TRDN: variants seen among roughly 807,000 people sequenced by gnomAD.
TRDN encodes the protein triadin in skeletal muscle.
Under a neutral mutation model 149.7 loss-of-function variants are expected in TRDN, and 161 were observed. That is an observed-to-expected ratio of 1.08 (90% CI 0.95 to 1.23). The LOEUF is 1.23. Ranked by LOEUF, TRDN falls within the 50% of genes most tolerant of loss-of-function variation. The probability of loss-of-function intolerance (pLI) is 0.00; values close to 1 mark genes in which losing one functional copy is unlikely to be tolerated. For missense variants in TRDN, 896 were observed against 823.5 expected (o/e 1.09, Z -1.08); for synonymous variants, 294 against 250.5 (o/e 1.17, Z -1.64).
intron 9 of TRDN, among the ~76,000 whole-genome samples, chr6:123,477,421 G>A (rs1235726970): frequency 1.3e-5 from 2 of 148,980 alleles, no homozygotes; most frequent in Non-Finnish European, 3.0e-5. Flanking sequence ...CAGGTGCTGG[G>A]GAGGATGTGG....
intron 10 of TRDN, among the ~76,000 whole-genome samples, chr6:123,458,275 A>T (rs1325184834): frequency 1.3e-5 from 2 of 152,216 alleles, no homozygotes; most frequent in Non-Finnish European, 2.9e-5. Flanking sequence ...TTATGCATCA[A>T]TTCGGGTAGG....
At chr6:123,250,325 T>C (rs1005860424) in intron 38 of TRDN, among the ~76,000 whole-genome samples, 4 of 151,898 alleles carry the variant, frequency 2.6e-5, no homozygotes, top group African/African-American at 9.7e-5. Flanking sequence ...AGCTATTTCA[T>C]GAAGCTCCTT....
intron 10 of TRDN, chr6:123,464,112 G>A: frequency 3.0e-6 from 1 of 336,462 alleles, no homozygotes; most frequent in Non-Finnish European, 4.2e-6. Context: ...TTTTATATAG[G>A]CAAATTGAGT....
chr6:123,618,528 C>T (rs1785220540), intron 1 of TRDN, among the ~76,000 whole-genome samples: 6 of 152,066 alleles, frequency 3.9e-5, no homozygotes, highest in Admixed American at 3.9e-4. Flanking sequence ...TTCTCTTTTC[C>T]AGGTAAGGTA....
chr6:123,546,765 C>T (rs1781132587), intron 4 of TRDN, among the ~76,000 whole-genome samples: 1 of 151,978 alleles, frequency 6.6e-6, no homozygotes, highest in South Asian at 2.1e-4. Context: ...CACTCAGTCA[C>T]CTTATCTATT....
At chr6:123,611,518 A>G (rs1189882682) in intron 1 of TRDN, among the ~76,000 whole-genome samples, 1 of 152,170 alleles carries the variant, frequency 6.6e-6, no homozygotes, top group African/African-American at 2.4e-5. Flanking sequence ...ATAATGTTTG[A>G]TCAACATAAG....
At chr6:123,515,089 A>C (rs1329197751) in intron 6 of TRDN, among the ~76,000 whole-genome samples, 1 of 152,088 alleles carries the variant, frequency 6.6e-6, no homozygotes, top group Non-Finnish European at 1.5e-5. Context: ...GTAAAATTTA[A>C]AAAAAAGAAA....
At chr6:123,612,652 G>A (rs1452242687) in intron 1 of TRDN, among the ~76,000 whole-genome samples, 1 of 152,028 alleles carries the variant, frequency 6.6e-6, no homozygotes, top group Non-Finnish European at 1.5e-5. Context: ...ATCCTTCCAC[G>A]TCAGGCTCCC....
chr6:123,453,405 A>G (rs943777473), intron 10 of TRDN, among the ~76,000 whole-genome samples: 1 of 152,066 alleles, frequency 6.6e-6, no homozygotes, highest in Non-Finnish European at 1.5e-5. Flanking sequence ...CAAACAAGAC[A>G]GTAAGAAAAA....
intron 1 of TRDN, among the ~76,000 whole-genome samples, chr6:123,629,832 A>C (rs986206408): frequency 2.0e-5 from 3 of 152,016 alleles, no homozygotes; most frequent in African/African-American, 7.2e-5. Context: ...GCAGAGCAAG[A>C]CTTTATTCAT....
At chr6:123,291,380 C>T (rs751861250) in intron 24 of TRDN, among the ~76,000 whole-genome samples, 3 of 151,764 alleles carry the variant, frequency 2.0e-5, no homozygotes, top group East Asian at 1.9e-4. Flanking sequence ...CTGGCTAACA[C>T]GGTGAAACCC....
At chr6:123,448,271 CAG>C (rs1775522301) in intron 10 of TRDN, among the ~76,000 whole-genome samples, 4 of 152,290 alleles carry the variant, frequency 2.6e-5, no homozygotes, top group African/African-American at 9.6e-5. Flanking sequence ...ATCTGGTGTG[CAG>C]ACTCCACAGG....
intron 10 of TRDN, among the ~76,000 whole-genome samples, chr6:123,453,817 G>A (rs1361576478): frequency 1.3e-5 from 2 of 151,988 alleles, no homozygotes; most frequent in Non-Finnish European, 2.9e-5. Context: ...GTTTATAGCA[G>A]CACAATTCAC....
intron 24 of TRDN, among the ~76,000 whole-genome samples, chr6:123,294,721 A>ACAGT (rs2114657403): frequency 6.6e-6 from 1 of 152,136 alleles, no homozygotes; most frequent in Admixed American, 6.6e-5. Flanking sequence ...CAGACTAATA[A>ACAGT]CAGTCAATGG....
At chr6:123,477,253 A>C (rs1469986645) in intron 9 of TRDN, among the ~76,000 whole-genome samples, 1 of 128,768 alleles carries the variant, frequency 7.8e-6, no homozygotes, top group Admixed American at 7.8e-5. Context: ...GGCAAAGGAC[A>C]TGAACAGACA....
rs1054161911 is a variant in TRDN at position 123,250,023 on chromosome 6, T to C, written c.1975+2389A>G. 5.9e-5 allele frequency among the ~76,000 whole-genome samples: 9 copies of C among 152,146 alleles called. No homozygotes were observed. In the East Asian group the frequency reaches 1.7e-3, roughly 29 times the overall value. ...AAAGTTGCAGAATACAAAATCAACATAAAAATGAGTAGCATTTCCATACAC... is the reference window on the plus strand; with the variant it reads ...AAAGTTGCAGAATACAAAATCAACACAAAAATGAGTAGCATTTCCATACAC... On this transcript the variant is annotated intron_variant, in intron 38 of 40. Coordinates refer to ENST00000334268, the MANE Select transcript of TRDN (RefSeq NM_006073.4).
intron 2 of TRDN, among the ~76,000 whole-genome samples, chr6:123,552,731 C>T (rs1383523142): frequency 1.3e-5 from 2 of 152,108 alleles, no homozygotes; most frequent in Admixed American, 6.6e-5. Context: ...TTTTGGAGGA[C>T]TCCAATTTTG....
chr6:123,400,949 G>A (rs190617082), intron 12 of TRDN, among the ~76,000 whole-genome samples: 32 of 152,254 alleles, frequency 2.1e-4, no homozygotes, highest in African/African-American at 5.5e-4. Context: ...AAAACTAAGG[G>A]CAAAGACTGG....
chr6:123,229,031 C>G, intron 38 of TRDN, among the ~76,000 whole-genome samples: 1 of 151,926 alleles, frequency 6.6e-6, no homozygotes, highest in East Asian at 1.9e-4. Context: ...GTGTAAGCTA[C>G]AGTTATTTCT....
Sources: gnomAD v4.1 joint callset for allele counts (sites outside exome capture counted in the v4.1 genomes callset) on GRCh38, gnomAD v4.1.1 for gene constraint, MANE v1.5 for transcripts, NCBI Gene and HGNC (gene_info 2026-07-23, HGNC 2026-07-21) for gene names.